The following PDE1C variants were observed in gnomAD, a reference collection of about 807,000 sequenced individuals.
PDE1C encodes the protein phosphodiesterase 1C.
PDE1C carries 62 observed loss-of-function variants against 93.1 expected under a neutral mutation model. That is an observed-to-expected ratio of 0.67 (90% CI 0.54 to 0.82). The LOEUF (loss-of-function observed/expected upper bound fraction) is 0.82. Ranked by LOEUF, PDE1C falls within the 40% of genes least tolerant of loss-of-function variation. PDE1C has a pLI of 0.00. For synonymous variants in PDE1C, 325 were observed against 310.1 expected (o/e 1.05, Z -0.50); for missense variants, 742 against 884.6 (o/e 0.84, Z 2.04).
chr7:31,987,466 A>G (rs981043504), intron 2 of PDE1C, among the ~76,000 whole-genome samples: 4 of 152,194 alleles, frequency 2.6e-5, no homozygotes, highest in Non-Finnish European at 4.4e-5. Flanking sequence ...AAAATGGCTT[A>G]TAAAGGAAAC....
Position 31,988,899 on chromosome 7 carries a change from G to A in PDE1C, c.128+62655C>T, listed in dbSNP as rs566111676. Among the ~76,000 whole-genome samples, 11 of 150,794 alleles carry A rather than the reference G, an allele frequency of 7.3e-5. No homozygotes were observed. The East Asian group carries it at 2.0e-3, about 27-fold the overall frequency. ...AATCCCAGCTACTCGGGAGGCTGAG[G>A]CAGGAGAATCACTTGAACCCAGGAA... On this transcript the variant is annotated intron_variant, in intron 2 of 17. Coordinates refer to ENST00000396191, the MANE Select transcript of PDE1C (RefSeq NM_001191057.4).
chr7:31,645,932 G>C, the PDE1C span, among the ~76,000 whole-genome samples: 7 of 152,108 alleles, frequency 4.6e-5, no homozygotes, highest in African/African-American at 1.7e-4. Flanking sequence ...CACGTAGTTT[G>C]TAAGGGGAAA....
At chr7:32,183,215 G>A (rs1425154575) in intron 2 of PDE1C, among the ~76,000 whole-genome samples, 2 of 152,092 alleles carry the variant, frequency 1.3e-5, no homozygotes, top group Non-Finnish European at 2.9e-5. Context: ...CATGAAAATG[G>A]CCATACTGCC....
chr7:31,637,313 C>T, the PDE1C span, among the ~76,000 whole-genome samples: 1 of 152,172 alleles, frequency 6.6e-6, no homozygotes, highest in Non-Finnish European at 1.5e-5. Flanking sequence ...AATCGCCACA[C>T]TGACTTCCAC....
chr7:31,779,833 G>T (rs1783270275), intron 16 of PDE1C, among the ~76,000 whole-genome samples: 1 of 152,130 alleles, frequency 6.6e-6, no homozygotes, highest in African/African-American at 2.4e-5. Context: ...ACTCATGGGA[G>T]TAATACCCAA....
At chr7:32,284,216 AT>A (rs1480357010) in intron 1 of PDE1C, among the ~76,000 whole-genome samples, 1 of 152,206 alleles carries the variant, frequency 6.6e-6, no homozygotes, top group Non-Finnish European at 1.5e-5. Context: ...TTCTCCTACA[AT>A]GAATATGAAA....
chr7:32,283,513 A>C (rs7459113), intron 1 of PDE1C, among the ~76,000 whole-genome samples: 1 of 152,244 alleles, frequency 6.6e-6, no homozygotes, highest in Non-Finnish European at 1.5e-5. Flanking sequence ...CAATGGTAGT[A>C]ATAGCATGCT....
intron 9 of PDE1C, among the ~76,000 whole-genome samples, chr7:31,845,562 A>G (rs1299259423): frequency 6.6e-6 from 1 of 152,140 alleles, no homozygotes; most frequent in Non-Finnish European, 1.5e-5. Context: ...TAGCATTAGG[A>G]GAAATACCTA....
At chr7:32,007,092 G>A (rs114313904) in intron 2 of PDE1C, among the ~76,000 whole-genome samples, 1,832 of 152,280 alleles carry the variant, frequency 0.012, 37 homozygotes, top group African/African-American at 0.042. Flanking sequence ...CTAAATAAGT[G>A]AGTATGAAAT....
chr7:31,661,218 C>T, the PDE1C span, among the ~76,000 whole-genome samples: 1 of 152,006 alleles, frequency 6.6e-6, no homozygotes, highest in African/African-American at 2.4e-5. Flanking sequence ...ATCCAATAAG[C>T]CACTGTAGTT....
At chr7:31,898,369 T>C (rs1225912040) in intron 2 of PDE1C, among the ~76,000 whole-genome samples, 2 of 152,048 alleles carry the variant, frequency 1.3e-5, no homozygotes, top group African/African-American at 4.8e-5. Context: ...ATCCATAGAG[T>C]TTAAACTTCT....
intron 1 of PDE1C, among the ~76,000 whole-genome samples, chr7:32,276,177 T>C (rs2128889744): frequency 6.6e-6 from 1 of 152,338 alleles, no homozygotes; most frequent in Middle Eastern, 3.4e-3. Context: ...ACTTAACATG[T>C]ATTAGCTCTT....
At chr7:31,655,888 T>A in the PDE1C span, 4 of 985,404 alleles carry the variant, frequency 4.1e-6, no homozygotes, top group African/African-American at 7.0e-5. Context: ...AACACCTGGC[T>A]CTAGGATGTC....
chr7:32,225,567 A>T (rs1403969059), intron 1 of PDE1C, among the ~76,000 whole-genome samples: 2 of 152,140 alleles, frequency 1.3e-5, no homozygotes, highest in African/African-American at 2.4e-5. Context: ...TTGGAACAAG[A>T]CCCTGAGGAA....
the PDE1C span, among the ~76,000 whole-genome samples, chr7:31,637,135 G>C: frequency 6.6e-6 from 1 of 151,666 alleles, no homozygotes; most frequent in Non-Finnish European, 1.5e-5. Context: ...CCAGTCTATC[G>C]TTGTTGGACA....
At chr7:32,374,228 GAAAA>G (rs1562695903) in intron 1 of PDE1C, among the ~76,000 whole-genome samples, 1 of 121,694 alleles carries the variant, frequency 8.2e-6, no homozygotes, top group Non-Finnish European at 1.7e-5. Context: ...GGGAAAGAAA[GAAAA>G]AGAAAGAAGG....
chr7:31,992,764 A>C (rs1349334572), intron 2 of PDE1C, among the ~76,000 whole-genome samples: 3 of 151,946 alleles, frequency 2.0e-5, no homozygotes, highest in Non-Finnish European at 4.4e-5. Context: ...AATAAGCATG[A>C]CTCTTTTTTA....
intron 1 of PDE1C, among the ~76,000 whole-genome samples, chr7:32,286,367 G>A (rs753145036): frequency 9.2e-5 from 14 of 152,330 alleles, no homozygotes; most frequent in African/African-American, 1.4e-4. Context: ...GGATTAGTGC[G>A]TTAGTTTCCT....
intron 17 of PDE1C, among the ~76,000 whole-genome samples, chr7:31,768,128 G>T (rs1340444321): frequency 6.6e-6 from 1 of 152,230 alleles, no homozygotes; most frequent in African/African-American, 2.4e-5. Flanking sequence ...TAAATAGCTT[G>T]TTTAATCATG....
Sources: gnomAD v4.1 joint callset for allele counts (sites outside exome capture counted in the v4.1 genomes callset) on GRCh38, gnomAD v4.1.1 for gene constraint, MANE v1.5 for transcripts, NCBI Gene and HGNC (gene_info 2026-07-23, HGNC 2026-07-21) for gene names.